The following ZNF516 variants were observed in gnomAD, a reference collection of about 807,000 sequenced individuals.
ZNF516 encodes zinc finger protein 516.
Under a neutral mutation model 79.7 loss-of-function variants are expected in ZNF516, and 19 were observed. That is an observed-to-expected ratio of 0.24 (90% CI 0.17 to 0.35). The LOEUF (loss-of-function observed/expected upper bound fraction) is 0.35. Ranked by LOEUF, ZNF516 falls within the 10% of genes least tolerant of loss-of-function variation. The probability of loss-of-function intolerance (pLI) is 1.00; values close to 1 mark genes in which losing one functional copy is unlikely to be tolerated. For synonymous variants in ZNF516, 877 were observed against 739.5 expected (o/e 1.19, Z -3.02); for missense variants, 1,678 against 1,679.5 (o/e 1.00, Z 0.02).
intron 3 of ZNF516, among the ~76,000 whole-genome samples, chr18:76,385,156 C>T (rs2074966956): frequency 6.6e-6 from 1 of 152,250 alleles, no homozygotes; most frequent in Non-Finnish European, 1.5e-5. Context: ...TATGGCTGCT[C>T]TGTCCTCGGC....
intron 2 of ZNF516, among the ~76,000 whole-genome samples, chr18:76,452,201 C>G (rs970104233): frequency 6.6e-6 from 1 of 152,224 alleles, no homozygotes; most frequent in African/African-American, 2.4e-5. Context: ...CTGACCACAA[C>G]AGACCTGATG....
chr18:76,378,889 T>A lies in ZNF516; in HGVS notation c.3225A>T (p.Gly1075=), dbSNP rs774743411. Residue 1075 remains glycine (G), a synonymous_variant, in exon 4 of 7, where the codon GGA becomes GGT. Coordinates refer to ENST00000443185, the MANE Select transcript of ZNF516 (RefSeq NM_014643.4). ...CCAACCCAGGGCCGCTGACACCCCATCCCTGGTAGAGGGTCGCAAAGTCCT... is the reference window on the plus strand; with the variant it reads ...CCAACCCAGGGCCGCTGACACCCCAACCCTGGTAGAGGGTCGCAAAGTCCT... The part of the protein sequence containing the change: ...IPKDFATLYQ[G]WGVSGPGLEH... 1.9e-6 allele frequency: 3 copies of A among 1,613,580 alleles called. No individual in the cohort carries two copies. Among genetic ancestry groups the A allele is most frequent in the South Asian group, 1.1e-5 (1 of 91,066 alleles).
chr18:76,414,557 T>A (rs1371225343), intron 3 of ZNF516, among the ~76,000 whole-genome samples: 1 of 152,244 alleles, frequency 6.6e-6, no homozygotes, highest in Admixed American at 6.5e-5. Context: ...TGAATCTACA[T>A]ACTACTGTCG....
At chr18:76,458,292 C>CCTA (rs1912856529) in intron 2 of ZNF516, among the ~76,000 whole-genome samples, 1 of 152,138 alleles carries the variant, frequency 6.6e-6, no homozygotes, top group Non-Finnish European at 1.5e-5. Flanking sequence ...TTTCCAAAAC[C>CCTA]CTACAGACAG....
intron 2 of ZNF516, among the ~76,000 whole-genome samples, chr18:76,457,836 A>G (rs1912823848): frequency 6.6e-6 from 1 of 152,248 alleles, no homozygotes; most frequent in Admixed American, 6.5e-5. Flanking sequence ...TCCCTTTGTA[A>G]GAACATGTCG....
At chr18:76,455,007 C>A (rs1480093102) in intron 2 of ZNF516, among the ~76,000 whole-genome samples, 2 of 152,084 alleles carry the variant, frequency 1.3e-5, no homozygotes, top group Non-Finnish European at 2.9e-5. Context: ...AATTGCCAAC[C>A]CCCGCCCCAT....
chr18:76,380,410 G>A (rs12970367), intron 3 of ZNF516, 107 bp from the exon 4 acceptor site: 1,073,500 of 1,429,630 alleles, frequency 0.75, 408,239 homozygotes, highest in East Asian at 0.93. Context: ...TGTCTTCAGC[G>A]GGAGAAGCCA....
intron 3 of ZNF516, among the ~76,000 whole-genome samples, chr18:76,424,090 C>A (rs1233656142): frequency 9.4e-6 from 1 of 106,154 alleles, no homozygotes; most frequent in African/African-American, 3.7e-5. Context: ...AACATACACA[C>A]GCAGGTGAAA....
Position 76,358,740 on chromosome 18 carries a change from G to C in ZNF516, c.*3758C>G, listed in dbSNP as rs1254158931. 6.6e-6 allele frequency: 1 copy of C among 152,216 alleles called. No homozygotes were observed. The highest frequency in any genetic ancestry group is 2.4e-5 in the African/African-American group (1 of 41,438). 9.4% of individuals were successfully genotyped at this position (152,216 alleles called of 1,614,324 possible). ...CTTTTTCTACAGCTTGGAAACCTCT[G>C]AGAATTTGCTGGGGGTGGCAGAGGA... On this transcript the variant is annotated 3_prime_UTR_variant, in exon 7 of 7. Transcript: ENST00000443185.
rs557464271 is a variant in ZNF516, at chr18:76,439,968, T to C, written c.1810+1277A>G. The stretch of plus-strand genomic sequence containing the variant: ...ACAAATTATTCAAAAAATCCAAAAG[T>C]GTTCATTGAATGAGCACAGCATTTT... On this transcript the variant is annotated intron_variant, in intron 3 of 6. Transcript: ENST00000443185. 2.6e-5 allele frequency among the ~76,000 whole-genome samples: 4 copies of C among 152,086 alleles called. No individual in the cohort carries two copies. In the South Asian group the frequency reaches 8.3e-4, roughly 32 times the overall value.
At chr18:76,452,831 G>A (rs1296661929) in intron 2 of ZNF516, among the ~76,000 whole-genome samples, 1 of 152,088 alleles carries the variant, frequency 6.6e-6, no homozygotes, top group Non-Finnish European at 1.5e-5. Context: ...ATTACATTCA[G>A]AAAAGTCCAA....
intron 5 of ZNF516, 77 bp downstream of exon 5, chr18:76,371,390 C>A (rs932584805): frequency 6.5e-6 from 9 of 1,389,804 alleles, no homozygotes; most frequent in Admixed American, 2.0e-5. Flanking sequence ...TCCCTCGCTG[C>A]GGATGGTCAA....
chr18:76,364,686 A>C (rs1196421598), intron 6 of ZNF516, among the ~76,000 whole-genome samples: 2 of 151,504 alleles, frequency 1.3e-5, no homozygotes, highest in Admixed American at 6.6e-5. Context: ...GCACACAAAA[A>C]ACCTGCCATG....
chr18:76,374,314 G>A (rs2074752122), intron 4 of ZNF516, among the ~76,000 whole-genome samples: 1 of 152,158 alleles, frequency 6.6e-6, no homozygotes, highest in Admixed American at 6.5e-5. Context: ...TTTTATTACT[G>A]TTGTAGCAAT....
In ZNF516 at chr18:76,360,645, AAATATAT is replaced by A. The variant is rs1298726041; in HGVS notation, c.*1846_*1852del. The A allele has an allele frequency of 5.3e-5, 6 of 112,888 alleles. No individual in the cohort carries two copies. Among genetic ancestry groups the A allele is most frequent in the African/African-American group, 2.0e-4 (6 of 30,320 alleles). The allele number at this position is 112,888 out of a possible 1,614,324, so 7.0% of individuals were successfully genotyped here. A position where few individuals can be genotyped will look rare whatever the true frequency, so the allele number is the denominator to read the frequency against. On this transcript the variant is annotated 3_prime_UTR_variant, in exon 7 of 7. Transcript: ENST00000443185. ...GAAAAAAATAAGTAAAAAAAAAAAA[AAATATAT>A]ATATATATATATATATATATATATA...
intron 4 of ZNF516, among the ~76,000 whole-genome samples, chr18:76,378,586 G>A (rs1001883752): frequency 3.9e-5 from 6 of 152,208 alleles, no homozygotes; most frequent in Non-Finnish European, 8.8e-5. Context: ...CAGGGCTTGC[G>A]ACCTCCTCCC....
intron 1 of ZNF516, chr18:76,492,243 C>G: frequency 1.0e-6 from 1 of 985,434 alleles, no homozygotes. Flanking sequence ...AGATGCTGCT[C>G]GGCTCAGGTC....
chr18:76,385,455 A>G (rs989482591), intron 3 of ZNF516, among the ~76,000 whole-genome samples: 1 of 152,246 alleles, frequency 6.6e-6, no homozygotes, highest in Non-Finnish European at 1.5e-5. Flanking sequence ...CCTTTCACTT[A>G]AAATATTTTT....
At chr18:76,435,392 C>A (rs2145486019) in intron 3 of ZNF516, among the ~76,000 whole-genome samples, 1 of 152,300 alleles carries the variant, frequency 6.6e-6, no homozygotes, top group Non-Finnish European at 1.5e-5. Flanking sequence ...CTGAAAGAAT[C>A]AGAATACAAT....
Sources: gnomAD v4.1 joint callset for allele counts (sites outside exome capture counted in the v4.1 genomes callset) on GRCh38, gnomAD v4.1.1 for gene constraint, MANE v1.5 for transcripts, NCBI Gene and HGNC (gene_info 2026-07-23, HGNC 2026-07-21) for gene names.